The following RBFOX1 variants were observed in gnomAD, a reference collection of about 807,000 sequenced individuals.
RBFOX1 encodes RNA binding fox-1 homolog 1, also known as RNA binding protein fox-1 homolog 1.
In RBFOX1, 8 loss-of-function variants were observed where a neutral mutation model predicts 57.7. The observed-to-expected ratio is 0.14, with a 90% confidence interval of 0.08 to 0.25. The LOEUF is 0.25. Among genes scored for constraint, RBFOX1 ranks in the 10% least tolerant of loss-of-function variants. The pLI, the probability that RBFOX1 is intolerant of heterozygous loss-of-function variation, is 1.00. For synonymous variants in RBFOX1, 326 were observed against 222.4 expected, an observed-to-expected ratio of 1.47 and a Z score of -4.15; for missense variants, 611 against 548.5, an observed-to-expected ratio of 1.11 and a Z score of -1.14.
At chr16:6,210,405 G>A (rs913291047) in intron 1 of RBFOX1, among the ~76,000 whole-genome samples, 1 of 140,872 alleles carries the variant, frequency 7.1e-6, no homozygotes, top group Non-Finnish European at 1.5e-5. Context: ...AAAGAAGGAA[G>A]GGGAAAGAAA....
chr16:5,984,946 T>TTTTATATATATATATA (rs1450037668), intron 4 of RBFOX1, among the ~76,000 whole-genome samples: 5 of 69,658 alleles, frequency 7.2e-5, no homozygotes, highest in South Asian at 6.3e-4. Flanking sequence ...GGCAACTCCA[T>TTTTATATATATATATA]TATATATATA....
At chr16:6,572,263 T>C (rs954599512) in intron 2 of RBFOX1, among the ~76,000 whole-genome samples, 2 of 152,336 alleles carry the variant, frequency 1.3e-5, no homozygotes, top group South Asian at 2.1e-4. Flanking sequence ...TATCAAATTC[T>C]ATAGGACATA....
chr16:7,357,858 T>C (rs1310500837), intron 4 of RBFOX1, among the ~76,000 whole-genome samples: 2 of 152,248 alleles, frequency 1.3e-5, no homozygotes, highest in Non-Finnish European at 1.5e-5. Flanking sequence ...TTTCCATTCA[T>C]GGAAGATATT....
At chr16:6,954,921 C>A (rs1350778412) in intron 3 of RBFOX1, among the ~76,000 whole-genome samples, 2 of 152,026 alleles carry the variant, frequency 1.3e-5, no homozygotes, top group African/African-American at 4.8e-5. Context: ...ACTTATTAGG[C>A]TATTTTAGGC....
chr16:5,381,807 C>G (rs769320904), intron 1 of RBFOX1, among the ~76,000 whole-genome samples: 34 of 152,196 alleles, frequency 2.2e-4, no homozygotes, highest in Non-Finnish European at 4.7e-4. Flanking sequence ...ATGGTAGAAC[C>G]AAGGCTCAGA....
intron 4 of RBFOX1, among the ~76,000 whole-genome samples, chr16:7,443,080 G>A (rs547218961): frequency 6.6e-6 from 1 of 152,288 alleles, no homozygotes; most frequent in Non-Finnish European, 1.5e-5. Flanking sequence ...TTACCCTTCA[G>A]TTGCACGAGA....
intron 3 of RBFOX1, among the ~76,000 whole-genome samples, chr16:5,695,383 G>A (rs139199079): frequency 1.2e-4 from 18 of 152,220 alleles, no homozygotes; most frequent in African/African-American, 4.3e-4. Context: ...GAGCAAGCAG[G>A]ATGGTAAATC....
chr16:6,846,245 C>T (rs138356463), intron 3 of RBFOX1, among the ~76,000 whole-genome samples: 89 of 152,254 alleles, frequency 5.8e-4, no homozygotes, highest in African/African-American at 2.0e-3. Flanking sequence ...GTGATAGCTT[C>T]ACCTCCTATT....
At chr16:7,498,000 T>A (rs1454097983) in intron 4 of RBFOX1, among the ~76,000 whole-genome samples, 1 of 152,216 alleles carries the variant, frequency 6.6e-6, no homozygotes, top group Non-Finnish European at 1.5e-5. Context: ...ACCTCTCCTG[T>A]CCCCAAATAG....
intron 4 of RBFOX1, among the ~76,000 whole-genome samples, chr16:7,127,010 CA>C (rs4035897): frequency 0.39 from 49,850 of 128,896 alleles, 9,065 homozygotes; most frequent in East Asian, 0.61. Flanking sequence ...GAATCCGTCT[CA>C]AAAAAAAAAA....
At chr16:6,999,213 T>TG (rs1568300027) in intron 3 of RBFOX1, among the ~76,000 whole-genome samples, 1 of 71,434 alleles carries the variant, frequency 1.4e-5, no homozygotes, top group Non-Finnish European at 3.1e-5. Context: ...TTTATTTTTA[T>TG]TTATTTTTTT....
chr16:6,190,738 T>C (rs2097136277), intron 1 of RBFOX1, among the ~76,000 whole-genome samples: 1 of 152,196 alleles, frequency 6.6e-6, no homozygotes, highest in Non-Finnish European at 1.5e-5. Context: ...AACCACGTGC[T>C]ATCAGGCATA....
At chr16:5,903,474 C>G (rs2058361212) in intron 4 of RBFOX1, among the ~76,000 whole-genome samples, 1 of 152,136 alleles carries the variant, frequency 6.6e-6, no homozygotes, top group African/African-American at 2.4e-5. Flanking sequence ...GTGTGCTCCT[C>G]TTTCTCATCT....
chr16:6,468,514 C>T (rs1395093504), intron 2 of RBFOX1, among the ~76,000 whole-genome samples: 1 of 152,116 alleles, frequency 6.6e-6, no homozygotes, highest in East Asian at 1.9e-4. Flanking sequence ...ATCATTGTCA[C>T]TCAAACTGAA....
At position 7,434,287 on chromosome 16, in the gene RBFOX1, C is replaced by T. The variant is rs943084071; in HGVS notation, c.28-83860C>T. ...AAGATCGAGACCATCCTGGCTAACA[C>T]GGTGAAACCCCGTCTCTACTAAAAA... On this transcript the variant is annotated intron_variant, in intron 4 of 15. Transcript: ENST00000550418. Among the ~76,000 whole-genome samples the T allele has an allele frequency of 2.0e-5, 3 of 151,962 alleles. No individual in the cohort carries two copies. The East Asian group carries it at 5.9e-4, about 30-fold the overall frequency.
intron 4 of RBFOX1, among the ~76,000 whole-genome samples, chr16:7,454,296 G>A (rs1229162225): frequency 6.6e-6 from 1 of 152,214 alleles, no homozygotes; most frequent in Non-Finnish European, 1.5e-5. Context: ...AAGCAAGGAA[G>A]ATGCCCAGGA....
intron 5 of RBFOX1, among the ~76,000 whole-genome samples, chr16:7,535,417 C>T (rs923243213): frequency 4.6e-5 from 7 of 152,186 alleles, no homozygotes; most frequent in African/African-American, 1.7e-4. Context: ...TCTCGCTGGA[C>T]ATTGCGACTC....
rs146294010 is a variant in RBFOX1 at position 6,539,580 on chromosome 16, C to A, written c.-63-115023C>A. On this transcript the variant is annotated intron_variant, in intron 2 of 15. Coordinates refer to ENST00000550418, the MANE Select transcript of RBFOX1 (RefSeq NM_018723.4). The stretch of plus-strand genomic sequence containing the variant: ...TGGGAGGCTGAGGCAGGCAGATCAC[C>A]TAAGGTCGGGAGTTCAAGACCAGCC... 3.9e-3 allele frequency among the ~76,000 whole-genome samples: 598 copies of A among 152,008 alleles called. 1 individual carries two copies. The highest frequency in any genetic ancestry group is 0.014 in the African/African-American group (572 of 41,476).
chr16:6,346,072 G>C (rs974217288), intron 2 of RBFOX1, among the ~76,000 whole-genome samples: 107 of 152,260 alleles, frequency 7.0e-4, no homozygotes, highest in African/African-American at 2.4e-3. Context: ...ATCTCAGTGA[G>C]CAGAGGGATG....
Sources: allele counts gnomAD v4.1 joint callset (sites outside exome capture counted in the v4.1 genomes callset), GRCh38; gene constraint gnomAD v4.1.1; transcripts MANE v1.5; gene names NCBI Gene and HGNC (gene_info 2026-07-23, HGNC 2026-07-21).